SRGAP1: variants seen among roughly 807,000 people sequenced by gnomAD.
SRGAP1 encodes SLIT-ROBO Rho GTPase activating protein 1.
In SRGAP1, 43 loss-of-function variants were observed where a neutral mutation model predicts 121.9. The ratio of observed to expected loss-of-function variants is 0.35; its 90% confidence interval spans 0.28 to 0.46. The LOEUF (loss-of-function observed/expected upper bound fraction) is 0.46. Among genes scored for constraint, SRGAP1 ranks in the 20% least tolerant of loss-of-function variants. SRGAP1 has a pLI of 1.00. For synonymous variants in SRGAP1, 447 were observed against 485.4 expected (o/e 0.92, Z 1.04); for missense variants, 1,102 against 1,350.9 (o/e 0.82, Z 2.89).
chr12:63,943,070 A>G (rs1325489137), intron 1 of SRGAP1, among the ~76,000 whole-genome samples: 1 of 152,226 alleles, frequency 6.6e-6, no homozygotes, highest in African/African-American at 2.4e-5. Context: ...AGTGAGTTGT[A>G]CGTCACTTAT....
intron 1 of SRGAP1, among the ~76,000 whole-genome samples, chr12:63,866,330 C>T (rs1899630733): frequency 6.6e-6 from 1 of 152,160 alleles, no homozygotes; most frequent in Non-Finnish European, 1.5e-5. Flanking sequence ...ATAAGCAGTC[C>T]CTGGGCCAAA....
intron 1 of SRGAP1, among the ~76,000 whole-genome samples, chr12:63,936,032 G>A (rs1565957670): frequency 6.6e-6 from 1 of 152,178 alleles, no homozygotes; most frequent in African/African-American, 2.4e-5. Flanking sequence ...CCTCTGATGA[G>A]AGTAGGAGTA....
In SRGAP1 at chr12:63,958,230, T is replaced by C. The variant is rs188558488; in HGVS notation, c.68-25717T>C. 2.0e-4 allele frequency among the ~76,000 whole-genome samples: 31 copies of C among 152,294 alleles called. No individual in the cohort carries two copies. In the East Asian group the frequency reaches 2.7e-3, roughly 13 times the overall value. On this transcript the variant is annotated intron_variant, in intron 1 of 21. Transcript: ENST00000355086. ...CACCCAGTGGTATTCTTATGGCCCT[T>C]GCATTCCTTCTCAGAAACCTTGCAG...
intron 2 of SRGAP1, among the ~76,000 whole-genome samples, chr12:63,984,528 A>C (rs990301714): frequency 1.3e-5 from 2 of 152,222 alleles, no homozygotes; most frequent in African/African-American, 4.8e-5. Context: ...GAAAGTAAGC[A>C]GTAAGAATTG....
chr12:63,849,086 C>T (rs1426756608), intron 1 of SRGAP1, among the ~76,000 whole-genome samples: 1 of 152,160 alleles, frequency 6.6e-6, no homozygotes, highest in African/African-American at 2.4e-5. Flanking sequence ...CATTTCATGC[C>T]TCTTGGTCAA....
chr12:63,964,058 A>G (rs930713455), intron 1 of SRGAP1, among the ~76,000 whole-genome samples: 2 of 152,150 alleles, frequency 1.3e-5, no homozygotes, highest in Admixed American at 6.5e-5. Flanking sequence ...AAGTGAGAAA[A>G]GAGGAGGAAG....
intron 3 of SRGAP1, among the ~76,000 whole-genome samples, chr12:64,011,536 G>A (rs2034251069): frequency 6.6e-6 from 1 of 152,106 alleles, no homozygotes; most frequent in African/African-American, 2.4e-5. Context: ...ACAAATGCAA[G>A]ATATATGCCT....
rs1035943954 is a variant in SRGAP1 at position 64,010,323 on chromosome 12, T to C, written c.427-6627T>C. ...GAATCCAACCACATAGATCACTTGA[T>C]AGATTGCTCAGTGTACTCATACGTG... On this transcript the variant is annotated intron_variant, in intron 3 of 21. Coordinates refer to ENST00000355086, the MANE Select transcript of SRGAP1 (RefSeq NM_020762.4). Among the ~76,000 whole-genome samples the C allele has an allele frequency of 5.3e-5, 8 of 152,154 alleles. No homozygotes were observed. The East Asian group carries it at 1.5e-3, about 29-fold the overall frequency.
At chr12:64,094,760 T>G (rs1282427009) in intron 12 of SRGAP1, among the ~76,000 whole-genome samples, 172 bp from the exon 13 acceptor site, 1 of 152,226 alleles carries the variant, frequency 6.6e-6, no homozygotes, top group Non-Finnish European at 1.5e-5. Context: ...GGTTTTGACA[T>G]CTCTAGGCAC....
rs146234446 is a variant in SRGAP1, at chr12:64,000,843, A to G, written c.426+10771A>G. Reference sequence around the variant, plus strand: ...TATTCCTGTTTCTTTGTGAAGTTAGAAGTGATAACATCTCATAAGCAAGAG... The same window carrying G: ...TATTCCTGTTTCTTTGTGAAGTTAGGAGTGATAACATCTCATAAGCAAGAG... On this transcript the variant is annotated intron_variant, in intron 3 of 21. Coordinates refer to ENST00000355086, the MANE Select transcript of SRGAP1 (RefSeq NM_020762.4). Among the ~76,000 whole-genome samples the G allele has an allele frequency of 4.3e-3, 662 of 152,330 alleles. 3 individuals carry two copies. The highest frequency in any genetic ancestry group is 7.2e-3 in the Non-Finnish European group (488 of 68,028).
At chr12:63,873,558 G>GA (rs996268997) in intron 1 of SRGAP1, among the ~76,000 whole-genome samples, 144 of 146,852 alleles carry the variant, frequency 9.8e-4, no homozygotes, top group African/African-American at 3.1e-3. Flanking sequence ...GAAAAGAAAA[G>GA]AAAAAAAAAC....
chr12:63,873,004 AAATGATTCT>A (rs1431952590), intron 1 of SRGAP1, among the ~76,000 whole-genome samples: 3 of 152,304 alleles, frequency 2.0e-5, no homozygotes, highest in East Asian at 3.9e-4. Flanking sequence ...AAGGCTCCTG[AAATGATTCT>A]AATATGTTTC....
chr12:64,004,259 G>A (rs538737096), intron 3 of SRGAP1, among the ~76,000 whole-genome samples: 1 of 152,236 alleles, frequency 6.6e-6, no homozygotes, highest in East Asian at 1.9e-4. Context: ...AGTCCCTCAT[G>A]TCCCATGAAA....
At chr12:64,089,443 A>C (rs2036007704) in intron 11 of SRGAP1, among the ~76,000 whole-genome samples, 2 of 152,078 alleles carry the variant, frequency 1.3e-5, no homozygotes, top group South Asian at 4.1e-4. Flanking sequence ...CTCTTTAACA[A>C]ACTATCTTTT....
At chr12:63,994,244 A>G (rs1021023387) in intron 3 of SRGAP1, among the ~76,000 whole-genome samples, 7 of 152,178 alleles carry the variant, frequency 4.6e-5, no homozygotes, top group African/African-American at 1.4e-4. Context: ...CACTTATTCT[A>G]TATACCTACA....
intron 6 of SRGAP1, among the ~76,000 whole-genome samples, chr12:64,055,655 G>T (rs1486600139): frequency 6.6e-6 from 1 of 152,078 alleles, no homozygotes. Context: ...CCAAAACAGA[G>T]ATATAGATCA....
Position 63,916,032 on chromosome 12 carries a change from CTT to C in SRGAP1, c.68-67898_68-67897del, listed in dbSNP as rs140042368. Among the ~76,000 whole-genome samples, 1,071 of 125,158 alleles carry C rather than the reference CTT, an allele frequency of 8.6e-3. 1 individual carries two copies. Among genetic ancestry groups the C allele is most frequent in the African/African-American group, 0.016 (528 of 33,076 alleles). 82.1% of individuals were successfully genotyped at this position (125,158 alleles called of 152,430 possible). On this transcript the variant is annotated intron_variant, in intron 1 of 21. Transcript: ENST00000355086. Reference sequence around the variant, plus strand: ...GAAATGGTGTCTTTTCTTTTCTTTTCTTTTTTTTTTTTTTTTTTGAGATGGGG... The same window carrying C: ...GAAATGGTGTCTTTTCTTTTCTTTTCTTTTTTTTTTTTTTTTGAGATGGGG...
At chr12:64,058,802 A>G (rs991081215) in intron 6 of SRGAP1, among the ~76,000 whole-genome samples, 1 of 90,906 alleles carries the variant, frequency 1.1e-5, no homozygotes, top group African/African-American at 4.2e-5. Flanking sequence ...GTGTCATTTC[A>G]GTTTCTAGTT....
chr12:64,004,740 G>C (rs775654369), intron 3 of SRGAP1, among the ~76,000 whole-genome samples: 3 of 152,190 alleles, frequency 2.0e-5, no homozygotes, highest in Non-Finnish European at 4.4e-5. Flanking sequence ...TGAGAAAGAA[G>C]ATGCTGCTTT....
Sources: gnomAD v4.1 joint callset for allele counts (sites outside exome capture counted in the v4.1 genomes callset) on GRCh38, gnomAD v4.1.1 for gene constraint, MANE v1.5 for transcripts, NCBI Gene and HGNC (gene_info 2026-07-23, HGNC 2026-07-21) for gene names.